The following SEMA3A variants were observed in gnomAD, a reference collection of about 807,000 sequenced individuals.
SEMA3A encodes the protein semaphorin 3A.
A neutral mutation model predicts 97.9 loss-of-function variants in SEMA3A; 29 were observed. The ratio of observed to expected loss-of-function variants is 0.30; its 90% confidence interval spans 0.22 to 0.40. The LOEUF (loss-of-function observed/expected upper bound fraction) is 0.40. SEMA3A is among the 10% of genes least tolerant of loss of function. SEMA3A has a pLI of 1.00. For synonymous variants in SEMA3A, 321 were observed against 323.7 expected, an observed-to-expected ratio of 0.99 and a Z score of 0.09; for missense variants, 763 against 951.3, an observed-to-expected ratio of 0.80 and a Z score of 2.60.
chr7:84,020,035 C>CTTTTTTTTTTTTTTTTTTTTTTTTTT (rs781108685), intron 6 of SEMA3A, among the ~76,000 whole-genome samples: 6 of 58,256 alleles, frequency 1.0e-4, no homozygotes, highest in Non-Finnish European at 1.9e-4. Context: ...TTTTTTCTTT[C>CTTTTTTTTTTTTTTTTTTTTTTTTTT]TTTTTTTTTT....
At chr7:84,234,818 G>A (rs1298542163) in intron 3 of SEMA3A, among the ~76,000 whole-genome samples, 1 of 151,926 alleles carries the variant, frequency 6.6e-6, no homozygotes, top group Admixed American at 6.6e-5. Context: ...TGCCTGCCGT[G>A]TGTGTGCCAT....
intron 1 of SEMA3A, among the ~76,000 whole-genome samples, chr7:84,175,984 C>A (rs577748067): frequency 6.6e-6 from 1 of 152,096 alleles, no homozygotes; most frequent in Admixed American, 6.6e-5. Flanking sequence ...TCTCAGCACT[C>A]CTATCACTTT....
intron 6 of SEMA3A, among the ~76,000 whole-genome samples, chr7:84,035,584 G>A (rs757249000): frequency 6.6e-6 from 1 of 151,758 alleles, no homozygotes; most frequent in Non-Finnish European, 1.5e-5. Flanking sequence ...CCTTAACTCT[G>A]AGAAAAATGT....
chr7:83,965,654 AT>A (rs1788654464), intron 15 of SEMA3A, among the ~76,000 whole-genome samples: 1 of 11,320 alleles, frequency 8.8e-5, no homozygotes, highest in East Asian at 4.7e-3. Context: ...ATATATATAT[AT>A]ATATATATAT....
chr7:84,367,843 T>C (rs1162603304), intron 2 of SEMA3A, among the ~76,000 whole-genome samples: 1 of 151,122 alleles, frequency 6.6e-6, no homozygotes, highest in Non-Finnish European at 1.5e-5. Context: ...CTTTGGAGTG[T>C]CAAAAAATTT....
At chr7:84,274,917 G>T (rs1429640404) in intron 3 of SEMA3A, among the ~76,000 whole-genome samples, 1 of 151,894 alleles carries the variant, frequency 6.6e-6, no homozygotes, top group Non-Finnish European at 1.5e-5. Flanking sequence ...ATTATCATTA[G>T]ATTATATCTG....
intron 1 of SEMA3A, among the ~76,000 whole-genome samples, chr7:84,442,458 T>G (rs1805295966): frequency 6.6e-6 from 1 of 151,910 alleles, no homozygotes; most frequent in African/African-American, 2.4e-5. Context: ...ATACAGAAGT[T>G]AGCTAAAGAA....
chr7:84,150,782 G>T (rs1272580671), intron 1 of SEMA3A, among the ~76,000 whole-genome samples: 1 of 152,074 alleles, frequency 6.6e-6, no homozygotes, highest in Admixed American at 6.6e-5. Context: ...CCACCTCTGG[G>T]GGCAGGGCAC....
At chr7:84,249,474 G>C (rs1321765096) in intron 3 of SEMA3A, among the ~76,000 whole-genome samples, 1 of 151,382 alleles carries the variant, frequency 6.6e-6, no homozygotes, top group Admixed American at 6.6e-5. Flanking sequence ...AATACATGCA[G>C]GTAAAATAAA....
chr7:84,149,181 C>G (rs1796553355), intron 1 of SEMA3A, among the ~76,000 whole-genome samples: 1 of 152,112 alleles, frequency 6.6e-6, no homozygotes, highest in African/African-American at 2.4e-5. Context: ...CAAAAACTAT[C>G]TGAAAGTATT....
intron 2 of SEMA3A, among the ~76,000 whole-genome samples, chr7:84,317,748 A>G (rs930742755): frequency 6.6e-6 from 1 of 152,196 alleles, no homozygotes; most frequent in African/African-American, 2.4e-5. Context: ...TTTAACTGAA[A>G]TAACTGTTCT....
chr7:84,321,751 C>T (rs1225244809), intron 2 of SEMA3A, among the ~76,000 whole-genome samples: 2 of 151,414 alleles, frequency 1.3e-5, no homozygotes, highest in East Asian at 1.9e-4. Context: ...TGGCGCACGC[C>T]TCTAGTCTCA....
At chr7:84,134,975 T>C (rs762702917) in intron 1 of SEMA3A, 24 bp from the exon 2 acceptor site, 13 of 1,607,756 alleles carry the variant, frequency 8.1e-6, no homozygotes, top group African/African-American at 6.7e-5. Flanking sequence ...AAGCAAAACA[T>C]TGGGTATTAA....
At chr7:84,203,524 A>ATTTTT (rs1253293554) in intron 3 of SEMA3A, among the ~76,000 whole-genome samples, 212 of 43,008 alleles carry the variant, frequency 4.9e-3, no homozygotes, top group Middle Eastern at 0.02. Flanking sequence ...ATATATATAT[A>ATTTTT]TATTTTTTTT....
At chr7:84,194,261 T>G (rs1293275357) in intron 1 of SEMA3A, among the ~76,000 whole-genome samples, 1 of 152,120 alleles carries the variant, frequency 6.6e-6, no homozygotes, top group Non-Finnish European at 1.5e-5. Context: ...TGTGATTAAA[T>G]GTTCTTTGTT....
At chr7:84,023,194 ACACGCGG>A (rs1252555486) in intron 6 of SEMA3A, among the ~76,000 whole-genome samples, 1 of 152,198 alleles carries the variant, frequency 6.6e-6, no homozygotes, top group Non-Finnish European at 1.5e-5. Context: ...TTGGCACAGG[ACACGCGG>A]CTGCACTTAT....
chr7:84,184,057 T>G (rs1166043486), intron 1 of SEMA3A, among the ~76,000 whole-genome samples: 1 of 152,138 alleles, frequency 6.6e-6, no homozygotes, highest in Non-Finnish European at 1.5e-5. Flanking sequence ...ACAGAGGAGA[T>G]AGTTTTTCCC....
rs552964434 is a variant in SEMA3A, at chr7:83,981,491, T to A, written c.1495-13A>T. The A allele has an allele frequency of 1.2e-4, 195 of 1,567,928 alleles. 2 individuals carry two copies. The South Asian group carries it at 1.3e-3, about 10-fold the overall frequency. ...TATATAGTTGTTGCTGTGGAAAGAG[T>A]TTACTGCTGTGACAAAAACTATCTT... On this transcript the variant is annotated splice_polypyrimidine_tract_variant and intron_variant, in intron 13 of 16. Transcript: ENST00000265362.
At chr7:84,002,251 C>A (rs1023513412) in intron 11 of SEMA3A, among the ~76,000 whole-genome samples, 1 of 152,104 alleles carries the variant, frequency 6.6e-6, no homozygotes, top group Non-Finnish European at 1.5e-5. Context: ...ACTATAAACA[C>A]AATCTTGGAA....
Sources: allele counts gnomAD v4.1 joint callset (sites outside exome capture counted in the v4.1 genomes callset), GRCh38; gene constraint gnomAD v4.1.1; transcripts MANE v1.5; gene names NCBI Gene and HGNC (gene_info 2026-07-23, HGNC 2026-07-21).